The following CDH3 variants were observed in gnomAD, a reference collection of about 807,000 sequenced individuals.
CDH3 encodes cadherin 3, also known as cadherin-3.
CDH3 carries 54 observed loss-of-function variants against 82.0 expected under a neutral mutation model. That is an observed-to-expected ratio of 0.66 (90% CI 0.53 to 0.83). CDH3 has a LOEUF of 0.83. CDH3 is among the 40% of genes least tolerant of loss of function. CDH3 has a pLI of 0.00. For missense variants in CDH3, 1,054 were observed against 1,084.6 expected (o/e 0.97, Z 0.40); for synonymous variants, 446 against 437.9 (o/e 1.02, Z -0.23).
chr16:68,715,934 C>T (rs1962090285), intron 1 of CDH3, among the ~76,000 whole-genome samples: 1 of 152,214 alleles, frequency 6.6e-6, no homozygotes. Flanking sequence ...CAATTTCTCA[C>T]AGGTGTACAG....
intron 2 of CDH3, among the ~76,000 whole-genome samples, chr16:68,650,091 T>G (rs1258659601): frequency 6.8e-6 from 1 of 147,352 alleles, no homozygotes; most frequent in Admixed American, 6.8e-5. Context: ...GGAGAGGGGG[T>G]CAGGTTTAGC....
At chr16:68,675,408 A>G (rs1173027574) in intron 2 of CDH3, among the ~76,000 whole-genome samples, 1 of 152,200 alleles carries the variant, frequency 6.6e-6, no homozygotes, top group East Asian at 1.9e-4. Context: ...TGCGTTGGCC[A>G]TAAGGAAGAG....
intron 9 of CDH3, among the ~76,000 whole-genome samples, chr16:68,683,761 G>T (rs568899921): frequency 4.2e-5 from 6 of 144,034 alleles, no homozygotes; most frequent in Admixed American, 2.8e-4. Flanking sequence ...TCCCGTCTAC[G>T]CTAAAAGTAT....
At chr16:68,646,434 G>A (rs1258510751) in intron 2 of CDH3, among the ~76,000 whole-genome samples, 1 of 151,940 alleles carries the variant, frequency 6.6e-6, no homozygotes, top group African/African-American at 2.4e-5. Flanking sequence ...TCCCAAGCTG[G>A]CAGGCCTGGG....
Position 68,678,473 on chromosome 16 carries a change from G to T in CDH3, c.391-28G>T, listed in dbSNP as rs774952765. On this transcript the variant is annotated intron_variant, in intron 4 of 15. Coordinates refer to ENST00000264012, the MANE Select transcript of CDH3 (RefSeq NM_001793.6). ...ACAGTCATGGGATATTTGTTACTTT[G>T]TCAGCTGCCATTTTCTTTTCCCTCC... 4 of 1,614,086 alleles carry T rather than the reference G, an allele frequency of 2.5e-6. No homozygotes were observed. The East Asian group carries it at 6.7e-5, about 27-fold the overall frequency.
At chr16:68,684,021 C>G (rs1010651050) in intron 9 of CDH3, among the ~76,000 whole-genome samples, 1 of 146,478 alleles carries the variant, frequency 6.8e-6, no homozygotes, top group African/African-American at 2.5e-5. Flanking sequence ...GAGCTGAGTT[C>G]GCATCACTGC....
chr16:68,702,120 C>T (rs544165329), downstream of CDH3, among the ~76,000 whole-genome samples: 1 of 152,022 alleles, frequency 6.6e-6, no homozygotes, highest in East Asian at 2.0e-4. Context: ...AACTTCTGAC[C>T]TCGACGAGTG....
chr16:68,663,783 G>A (rs1317070423), intron 2 of CDH3, among the ~76,000 whole-genome samples: 1 of 151,734 alleles, frequency 6.6e-6, no homozygotes, highest in African/African-American at 2.4e-5. Flanking sequence ...ATTATGCTAA[G>A]TATTTTTTTT....
chr16:68,653,101 A>C (rs1960295974), intron 2 of CDH3, among the ~76,000 whole-genome samples: 1 of 152,288 alleles, frequency 6.6e-6, no homozygotes, highest in Admixed American at 6.5e-5. Context: ...GTTCTGAAGT[A>C]GTGAGGTGTC....
chr16:68,676,304 A>C, intron 2 of CDH3, 81 bp from the exon 3 acceptor site: 190 of 947,096 alleles, frequency 2.0e-4, no homozygotes, highest in Non-Finnish European at 3.0e-4. Flanking sequence ...CAGTCAGAGG[A>C]CTCTTGTCAG....
intron 2 of CDH3, among the ~76,000 whole-genome samples, chr16:68,673,695 C>T (rs537457398): frequency 4.8e-4 from 73 of 152,238 alleles, no homozygotes; most frequent in African/African-American, 1.7e-3. Context: ...GGAGGCCAGG[C>T]GGGTGGATTG....
intron 1 of CDH3, among the ~76,000 whole-genome samples, chr16:68,719,403 T>G (rs760352638): frequency 6.6e-6 from 1 of 150,634 alleles, no homozygotes; most frequent in Non-Finnish European, 1.5e-5. Flanking sequence ...AGCAAAACTC[T>G]GGGGACAGAA....
chr16:68,732,936 A>C, the CDH3 span, among the ~76,000 whole-genome samples: 1 of 92,420 alleles, frequency 1.1e-5, no homozygotes, highest in African/African-American at 4.2e-5. Context: ...AGATAACCTG[A>C]GGAGCTTTAG....
At position 68,678,172 on chromosome 16, in the gene CDH3, C is replaced by G. The variant is rs149093853; in HGVS notation, c.285C>G (p.Ile95Met). The G allele has an allele frequency of 6.2e-7, 1 of 1,613,834 alleles. No individual in the cohort carries two copies. The highest frequency in any genetic ancestry group is 2.2e-5 in the East Asian group (1 of 44,882). ...RSLKERNPLK[I>M]FPSKRILRRH... is the part of the protein sequence containing the mutation. ...TGAAGGAAAGGAATCCATTGAAGAT[C>G]TTCCCATCCAAACGTATCTTACGAA... The change falls in exon 4 of 16, where the codon ATC becomes ATG. Residue 95 changes from isoleucine (I) to methionine (M), a missense_variant. By Grantham distance (10) the Ile-to-Met change is conservative. Transcript: ENST00000264012.
At chr16:68,668,519 G>T (rs1040272290) in intron 2 of CDH3, among the ~76,000 whole-genome samples, 2 of 152,196 alleles carry the variant, frequency 1.3e-5, no homozygotes, top group African/African-American at 4.8e-5. Context: ...TTGACTCATA[G>T]CTTGCAGAGA....
At chr16:68,716,673 T>G (rs1327107154) in intron 1 of CDH3, among the ~76,000 whole-genome samples, 1 of 150,436 alleles carries the variant, frequency 6.6e-6, no homozygotes, top group Non-Finnish European at 1.5e-5. Flanking sequence ...TAGTTGCCTC[T>G]GGGGAGGGAA....
At position 68,697,991 on chromosome 16, in the gene CDH3, C is replaced by G. The variant is rs552158185; in HGVS notation, c.2281-200C>G. The G allele has an allele frequency of 7.7e-5, 50 of 650,380 alleles. 1 individual carries two copies. Among genetic ancestry groups the G allele is most frequent in the African/African-American group, 5.7e-4 (32 of 56,116 alleles). 40.3% of individuals were successfully genotyped at this position (650,380 alleles called of 1,614,324 possible). A position where few individuals can be genotyped will look rare whatever the true frequency, so the allele number is the denominator to read the frequency against. The stretch of plus-strand genomic sequence containing the variant: ...CTGATTTCAGTCCTTGCCCTTACCC[C>G]CTGGCCTGTGTTGCACTGAGCACTT... On this transcript the variant is annotated intron_variant, in intron 15 of 15. Coordinates refer to ENST00000264012, the MANE Select transcript of CDH3 (RefSeq NM_001793.6).
In CDH3 at chr16:68,698,267, G is replaced by A; in HGVS notation, c.2357G>A (p.Gly786Asp). ...TTGGTGTTCGACTATGAGGGCAGCGGCTCCGACGCCGCGTCCCTGAGCTCC... is the reference window on the plus strand; with the variant it reads ...TTGGTGTTCGACTATGAGGGCAGCGACTCCGACGCCGCGTCCCTGAGCTCC... Reference protein sequence around the residue: ...TLLVFDYEGSGSDAASLSSLT... With the variant: ...TLLVFDYEGSDSDAASLSSLT... Residue 786 changes from glycine to aspartate, a missense_variant, in exon 16 of 16, where the codon GGC becomes GAC. Coordinates refer to ENST00000264012, the MANE Select transcript of CDH3 (RefSeq NM_001793.6). 2 of 1,614,238 alleles carry A rather than the reference G, an allele frequency of 1.2e-6. No homozygotes were observed. Among genetic ancestry groups the A allele is most frequent in the South Asian group, 1.1e-5 (1 of 91,084 alleles).
At chr16:68,700,624 C>T (rs1247628584), downstream of CDH3, among the ~76,000 whole-genome samples, 21 of 152,222 alleles carry the variant, frequency 1.4e-4, no homozygotes, top group Non-Finnish European at 8.8e-5. Flanking sequence ...GCCTGATCCG[C>T]CCGCCTCGGC....
Sources: gnomAD v4.1 joint callset for allele counts (sites outside exome capture counted in the v4.1 genomes callset) on GRCh38, gnomAD v4.1.1 for gene constraint, MANE v1.5 for transcripts, NCBI Gene and HGNC (gene_info 2026-07-23, HGNC 2026-07-21) for gene names.